TRPA1: variants seen among roughly 807,000 people sequenced by gnomAD.
TRPA1 encodes transient receptor potential cation channel subfamily A member 1.
TRPA1 carries 129 observed loss-of-function variants against 131.3 expected under a neutral mutation model. The ratio of observed to expected loss-of-function variants is 0.98; its 90% CI spans 0.85 to 1.14. TRPA1 has a LOEUF of 1.14. Ranked by LOEUF, TRPA1 falls within the 50% of genes most tolerant of loss-of-function variation. The probability of loss-of-function intolerance (pLI) is 0.00; values close to 1 mark genes in which losing one functional copy is unlikely to be tolerated. For missense variants in TRPA1, 1,304 were observed against 1,354.2 expected, an observed-to-expected ratio of 0.96 and a Z score of 0.58; for synonymous variants, 441 against 451.7, an observed-to-expected ratio of 0.98 and a Z score of 0.30.
rs193026327 is a variant in TRPA1 at position 72,025,721 on chromosome 8, C to T, written c.3051+239G>A. 2.6e-3 allele frequency among the ~76,000 whole-genome samples: 396 copies of T among 152,232 alleles called. 3 individuals are homozygous for T. Among genetic ancestry groups the T allele is most frequent in the Non-Finnish European group, 4.5e-3 (309 of 68,004 alleles). On this transcript the variant is annotated intron_variant, in intron 25 of 26. Transcript: ENST00000262209. ...CCCATCTGCTCTCACAGGGACAGCACGCATTTAACACAGATGCTATGGATG... is the reference window on the plus strand; with the variant it reads ...CCCATCTGCTCTCACAGGGACAGCATGCATTTAACACAGATGCTATGGATG...
intron 25 of TRPA1, among the ~76,000 whole-genome samples, chr8:72,025,601 C>A (rs1811571569): frequency 6.6e-6 from 1 of 152,106 alleles, no homozygotes; most frequent in Non-Finnish European, 1.5e-5. Flanking sequence ...ACATATATAT[C>A]TACACATAAA....
chr8:72,042,331 A>C lies in TRPA1; in HGVS notation c.2062-2534T>G, dbSNP rs544501151. Among the ~76,000 whole-genome samples, 7 of 152,072 alleles carry C rather than the reference A, an allele frequency of 4.6e-5. No individual in the cohort carries two copies. In the South Asian group the frequency reaches 8.3e-4, roughly 18 times the overall value. On this transcript the variant is annotated intron_variant, in intron 17 of 26. Transcript: ENST00000262209. Reference sequence around the variant, plus strand: ...GAGAAGATGCTCAACATCATTCATTATTAGGGAAATGCAGTTTAAAACCAC... The same window carrying C: ...GAGAAGATGCTCAACATCATTCATTCTTAGGGAAATGCAGTTTAAAACCAC...
At chr8:72,036,532 G>A (rs186995594) in intron 20 of TRPA1, 75 bp from the exon 21 acceptor site, 47 of 1,367,104 alleles carry the variant, frequency 3.4e-5, no homozygotes, top group Middle Eastern at 2.5e-4. Flanking sequence ...CATGCACCCC[G>A]TAATACAATT....
At chr8:72,075,790 G>T (rs975877234), upstream of TRPA1, among the ~76,000 whole-genome samples, 2 of 152,108 alleles carry the variant, frequency 1.3e-5, no homozygotes, top group Admixed American at 6.5e-5. Flanking sequence ...GTCAGGTCGG[G>T]GTGGATTGCA....
At chr8:72,069,404 T>C (rs1208831229) in intron 2 of TRPA1, among the ~76,000 whole-genome samples, 2 of 152,168 alleles carry the variant, frequency 1.3e-5, no homozygotes, top group Non-Finnish European at 1.5e-5. Context: ...AGTGACTTTA[T>C]GAATTGAGTT....
At position 72,038,873 on chromosome 8, in the gene TRPA1, C is replaced by T. The variant is rs765559576; in HGVS notation, c.2287G>A (p.Asp763Asn). ...TTAAAATTTGAAATTACCGTGGTATCTAGTATTTCTGAATGATCACTAGTT... is the reference window on the plus strand; with the variant it reads ...TTAAAATTTGAAATTACCGTGGTATTTAGTATTTCTGAATGATCACTAGTT... ...NETSDHSEIL[D>N]TTNSYLIKTC... Residue 763 changes from aspartate (D) to asparagine (N), a missense_variant, in exon 19 of 27, where the codon GAT (aspartate) becomes AAT (asparagine). By Grantham distance (23) the Asp-to-Asn change is conservative. Transcript: ENST00000262209. 19 of 1,611,026 alleles carry T rather than the reference C, an allele frequency of 1.2e-5. No individual in the cohort carries two copies. The highest frequency in any genetic ancestry group is 1.7e-5 in the Admixed American group (1 of 59,766).
rs761121092 is a variant in TRPA1 at position 72,057,722 on chromosome 8, G to C, written c.1088C>G (p.Ser363Cys). 6.2e-7 allele frequency: 1 copy of C among 1,612,702 alleles called. No homozygotes were observed. Among genetic ancestry groups the C allele is most frequent in the African/African-American group, 1.3e-5 (1 of 74,904 alleles). The change falls in exon 9 of 27, where the codon TCT (serine) becomes TGT (cysteine). Residue 363 changes from serine to cysteine, a missense_variant. Physicochemically the swap from Ser to Cys is moderately radical, Grantham distance 112. Coordinates refer to ENST00000262209, the MANE Select transcript of TRPA1 (RefSeq NM_007332.3). ...ASWNIVNLLL[S>C]KGAQVDIKDN... is the part of the protein sequence containing the mutation. ...GGCTTGTTCCCTCTTGGTACCTTTAGAGAGTAGCAAATTTACAATATTCCA... is the reference window on the plus strand; with the variant it reads ...GGCTTGTTCCCTCTTGGTACCTTTACAGAGTAGCAAATTTACAATATTCCA...
At chr8:72,032,502 G>A (rs1331632607) in intron 23 of TRPA1, among the ~76,000 whole-genome samples, 2 of 152,216 alleles carry the variant, frequency 1.3e-5, no homozygotes, top group African/African-American at 2.4e-5. Context: ...CTGAGAGGCA[G>A]TGGAGATTCT....
chr8:72,022,845 G>T lies in TRPA1; in HGVS notation c.*61C>A. 6.8e-7 allele frequency: 1 copy of T among 1,471,222 alleles called. No individual in the cohort carries two copies. The highest frequency in any genetic ancestry group is 9.5e-7 in the Non-Finnish European group (1 of 1,053,778). 91.1% of individuals were successfully genotyped at this position (1,471,222 alleles called of 1,614,324 possible). ...GCTTCTTCCTCACTCTTTTTAAATT[G>T]AAAGTTAGAACCAGCAAGTCATGCA... On this transcript the variant is annotated 3_prime_UTR_variant, in exon 27 of 27. Transcript: ENST00000262209.
the TRPA1 span, among the ~76,000 whole-genome samples, chr8:72,086,594 C>T: frequency 6.6e-6 from 1 of 152,138 alleles, no homozygotes; most frequent in Non-Finnish European, 1.5e-5. Flanking sequence ...TTCTTAATAT[C>T]AATTTTGCAG....
chr8:72,039,910 C>T (rs2044271), intron 17 of TRPA1, 113 bp from the exon 18 acceptor site: 183,309 of 740,598 alleles, frequency 0.25, 24,603 homozygotes, highest in Middle Eastern at 0.36. Flanking sequence ...AAAAGTAACA[C>T]CTATTTTAGA....
At chr8:72,034,903 GA>G (rs1278968569) in intron 21 of TRPA1, among the ~76,000 whole-genome samples, 1 of 152,182 alleles carries the variant, frequency 6.6e-6, no homozygotes, top group Non-Finnish European at 1.5e-5. Context: ...ACTGAAGTAG[GA>G]GAGAAAAATA....
At chr8:72,060,798 G>A (rs193012887) in intron 7 of TRPA1, among the ~76,000 whole-genome samples, 240 of 150,670 alleles carry the variant, frequency 1.6e-3, no homozygotes, top group African/African-American at 5.5e-3. Context: ...ATATCCTATT[G>A]TGCCTGGTGG....
rs566911313 is a variant in TRPA1, at chr8:72,063,678, T to C, written c.553-107A>G. 20 of 745,314 alleles carry C rather than the reference T, an allele frequency of 2.7e-5. No homozygotes were observed. The East Asian group carries it at 4.3e-4, about 16-fold the overall frequency. The allele number at this position is 745,314 out of a possible 1,614,324, so 46.2% of individuals were successfully genotyped here. ...ATATCATTTTACTATTATATGTCTA[T>C]GTAAAAGTACATAGAGAGCTTCATA... is the stretch of plus-strand genomic sequence containing the variant. On this transcript the variant is annotated intron_variant, in intron 4 of 26. Coordinates refer to ENST00000262209, the MANE Select transcript of TRPA1 (RefSeq NM_007332.3).
intron 1 of TRPA1, among the ~76,000 whole-genome samples, chr8:72,073,095 T>A (rs1806101804): frequency 6.6e-6 from 1 of 152,216 alleles, no homozygotes; most frequent in Non-Finnish European, 1.5e-5. Flanking sequence ...AACTATGTGA[T>A]TAGATTCAGA....
Position 72,063,533 on chromosome 8 carries a change from C to A in TRPA1, c.591G>T (p.Trp197Cys). The A allele has an allele frequency of 1.2e-6, 2 of 1,613,748 alleles. No individual in the cohort carries two copies. The highest frequency in any genetic ancestry group is 1.7e-6 in the Non-Finnish European group (2 of 1,179,798). Reference sequence around the variant, plus strand: ...CAGCTTGGTGAATAGGGAAACATCCCCATTTATTTGATTTACATGGCTTAG... The same window carrying A: ...CAGCTTGGTGAATAGGGAAACATCCACATTTATTTGATTTACATGGCTTAG... ...KGAKPCKSNK[W>C]GCFPIHQAAF... Residue 197 changes from tryptophan to cysteine, a missense_variant, in exon 5 of 27, where the codon TGG (tryptophan) becomes TGT (cysteine). Physicochemically the swap from Trp to Cys is radical, Grantham distance 215. Coordinates refer to ENST00000262209, the MANE Select transcript of TRPA1 (RefSeq NM_007332.3).
intron 23 of TRPA1, among the ~76,000 whole-genome samples, chr8:72,032,135 T>A (rs574226451): frequency 1.4e-4 from 21 of 152,256 alleles, no homozygotes; most frequent in African/African-American, 4.6e-4. Context: ...TTGGGAAAGA[T>A]CTTGGTAAGA....
intron 23 of TRPA1, among the ~76,000 whole-genome samples, chr8:72,030,256 T>C (rs920936496): frequency 2.6e-5 from 4 of 152,098 alleles, no homozygotes; most frequent in Non-Finnish European, 4.4e-5. Flanking sequence ...ATAGCTCTTT[T>C]ATAAGGGAAC....
chr8:72,026,808 C>T (rs773075316), intron 24 of TRPA1, among the ~76,000 whole-genome samples: 13 of 152,076 alleles, frequency 8.5e-5, no homozygotes, highest in Non-Finnish European at 1.8e-4. Context: ...CTTGTAACTA[C>T]TAGTGAGATT....
Sources: gnomAD v4.1 joint callset for allele counts (sites outside exome capture counted in the v4.1 genomes callset) on GRCh38, gnomAD v4.1.1 for gene constraint, MANE v1.5 for transcripts, NCBI Gene and HGNC (gene_info 2026-07-23, HGNC 2026-07-21) for gene names.